Variants in WNK3 observed in about 807,000 individuals in gnomAD.
The protein encoded by WNK3 is serine/threonine-protein kinase WNK3.
A neutral mutation model predicts 116.7 loss-of-function variants in WNK3; 18 were observed. That is an observed-to-expected ratio of 0.15 (90% confidence interval 0.11 to 0.23). The LOEUF is 0.23. Ranked by LOEUF, WNK3 falls within the 10% of genes least tolerant of loss-of-function variation. The probability of loss-of-function intolerance (pLI) is 1.00; values close to 1 mark genes in which losing one functional copy is unlikely to be tolerated. For missense variants in WNK3, 993 were observed against 1,323.8 expected (o/e 0.75, Z 3.88); for synonymous variants, 404 against 469.4 (o/e 0.86, Z 1.80).
intron 5 of WNK3, among the ~76,000 whole-genome samples, chrX:54,306,956 G>A (rs781853339): frequency 3.7e-4 from 41 of 109,901 alleles, no homozygotes; most frequent in Non-Finnish European, 7.0e-4. Context: ...TTGGCCAGGC[G>A]CGGTGGCTCA....
intron 10 of WNK3, among the ~76,000 whole-genome samples, chrX:54,267,139 A>C (rs1159702478): frequency 8.9e-6 from 1 of 112,111 alleles, no homozygotes; most frequent in African/African-American, 3.2e-5. Context: ...ACAATAGCAA[A>C]GACTTGGAAC....
At chrX:54,249,745 G>A in intron 16 of WNK3, 111 bp from the exon 17 acceptor site, 1 of 783,405 alleles carries the variant, frequency 1.3e-6, no homozygotes, top group Non-Finnish European at 1.8e-6. Context: ...GAACCTGTGT[G>A]AAAGTACTCT....
chrX:54,193,079 C>T (rs1557139323), exon 24 of WNK3: 1 of 110,745 alleles, frequency 9.0e-6, no homozygotes, highest in African/African-American at 3.3e-5. Context: ...CTATATAATG[C>T]TACATTCCCC....
intron 17 of WNK3, among the ~76,000 whole-genome samples, chrX:54,242,338 T>C (rs1557151766): frequency 8.9e-6 from 1 of 112,187 alleles, no homozygotes; most frequent in African/African-American, 3.2e-5. Flanking sequence ...AGACTTAATC[T>C]GTCAACAGTC....
At chrX:54,266,543 T>C (rs2068312913) in intron 10 of WNK3, among the ~76,000 whole-genome samples, 2 of 110,211 alleles carry the variant, frequency 1.8e-5, no homozygotes, top group Non-Finnish European at 3.8e-5. Context: ...AAAATATCTC[T>C]TTTTATTCTT....
intron 10 of WNK3, among the ~76,000 whole-genome samples, chrX:54,266,486 T>C (rs1458274495): frequency 1.8e-5 from 2 of 111,408 alleles, no homozygotes; most frequent in Non-Finnish European, 3.8e-5. Context: ...AGGTGATAGA[T>C]ACCCCATTTA....
Position 54,253,166 on chromosome X carries a change from T to C in WNK3, c.2367+793A>G, listed in dbSNP as rs1249779500. On this transcript the variant is annotated intron_variant, in intron 13 of 23. Coordinates refer to ENST00000354646, the Ensembl canonical transcript of WNK3. Reference sequence around the variant, plus strand: ...CATGTACCTCATAAATATATAAACTTTCTATGTAGCCACAAAAATTAAAAA... The same window carrying C: ...CATGTACCTCATAAATATATAAACTCTCTATGTAGCCACAAAAATTAAAAA... 3.7e-5 allele frequency among the ~76,000 whole-genome samples: 4 copies of C among 108,327 alleles called. No homozygotes were observed. The East Asian group carries it at 1.1e-3, about 31-fold the overall frequency. 94.1% of individuals were successfully genotyped at this position (108,327 alleles called of 115,157 possible). A position where few individuals can be genotyped will look rare whatever the true frequency, so the allele number is the denominator to read the frequency against.
chrX:54,313,989 C>G (rs958134373), intron 2 of WNK3, among the ~76,000 whole-genome samples: 29 of 108,500 alleles, frequency 2.7e-4, no homozygotes, highest in Non-Finnish European at 5.0e-4. Context: ...GTCAGGAGCT[C>G]GAGACCAGCC....
chrX:54,344,580 C>A (rs1321276056), intron 1 of WNK3, among the ~76,000 whole-genome samples: 16 of 113,370 alleles, frequency 1.4e-4, no homozygotes, highest in Admixed American at 1.3e-3. Context: ...GAATAACTCA[C>A]TGCCTTGTAG....
chrX:54,299,375 G>A (rs1431788216), intron 6 of WNK3, among the ~76,000 whole-genome samples: 6 of 108,653 alleles, frequency 5.5e-5, no homozygotes, highest in Non-Finnish European at 1.1e-4. Context: ...TCCATACAAA[G>A]TTGATTTTTT....
rs141313861 is a variant in WNK3, at chrX:54,236,063, T to A, written c.4628+875A>T. ...GGTTACCCTTTTGTACCTTTTGAAT[T>A]TTGAACCATGTGGATAGAATTAGAA... is the stretch of plus-strand genomic sequence containing the variant. On this transcript the variant is annotated intron_variant, in intron 20 of 23. Transcript: ENST00000354646. Among the ~76,000 whole-genome samples, 573 of 111,684 alleles carry A rather than the reference T, an allele frequency of 5.1e-3. 6 individuals are homozygous for A. Among genetic ancestry groups the A allele is most frequent in the African/African-American group, 0.018 (560 of 30,822 alleles).
At chrX:54,349,898 A>G (rs2069490661) in intron 1 of WNK3, among the ~76,000 whole-genome samples, 3 of 111,583 alleles carry the variant, frequency 2.7e-5, no homozygotes, top group Non-Finnish European at 5.6e-5. Flanking sequence ...AAAAAATTTA[A>G]TTTAAAATAG....
intron 10 of WNK3, among the ~76,000 whole-genome samples, chrX:54,265,582 G>A (rs782244063): frequency 8.0e-5 from 9 of 112,201 alleles, no homozygotes; most frequent in African/African-American, 2.6e-4. Flanking sequence ...CAGGCCATTA[G>A]TACATTATTG....
At chrX:54,304,554 A>AT in intron 5 of WNK3, among the ~76,000 whole-genome samples, 1 of 109,511 alleles carries the variant, frequency 9.1e-6, no homozygotes, top group East Asian at 2.9e-4. Context: ...AAAAAAAAAA[A>AT]ATCATATAAT....
At chrX:54,324,630 A>G (rs2147229706) in intron 2 of WNK3, among the ~76,000 whole-genome samples, 1 of 112,507 alleles carries the variant, frequency 8.9e-6, no homozygotes, top group East Asian at 2.8e-4. Flanking sequence ...CGCTTTGTCC[A>G]TGACTGAATT....
intron 17 of WNK3, 119 bp from the exon 18 acceptor site, chrX:54,239,218 AC>A (rs1156490720): frequency 3.5e-4 from 178 of 508,549 alleles, no homozygotes; most frequent in Non-Finnish European, 4.7e-4. Context: ...AAAAAAAAAA[AC>A]GGAATTTCTT....
intron 17 of WNK3, among the ~76,000 whole-genome samples, chrX:54,242,000 T>C (rs895677383): frequency 9.7e-6 from 1 of 102,830 alleles, no homozygotes; most frequent in Non-Finnish European, 2.0e-5. Flanking sequence ...AAATGGGAAA[T>C]GAAGAAATAA....
intron 2 of WNK3, among the ~76,000 whole-genome samples, chrX:54,322,382 T>C (rs1463652872): frequency 8.9e-6 from 1 of 111,829 alleles, no homozygotes; most frequent in Non-Finnish European, 1.9e-5. Context: ...CCCCAACCTC[T>C]GGACATTGAC....
intron 10 of WNK3, among the ~76,000 whole-genome samples, chrX:54,290,660 G>C (rs1233875706): frequency 9.0e-6 from 1 of 111,626 alleles, no homozygotes; most frequent in Non-Finnish European, 1.9e-5. Flanking sequence ...AACCCTGGCA[G>C]AGATTCTGAG....
Sources: gnomAD v4.1 joint callset for allele counts (sites outside exome capture counted in the v4.1 genomes callset) on GRCh38, gnomAD v4.1.1 for gene constraint, MANE v1.5 for transcripts, NCBI Gene and HGNC (gene_info 2026-07-23, HGNC 2026-07-21) for gene names.